Variants in CDK14 observed in about 807,000 individuals in gnomAD.
The protein encoded by CDK14 is cyclin-dependent kinase 14.
CDK14 carries 34 observed loss-of-function variants against 60.7 expected under a neutral mutation model. The ratio of observed to expected loss-of-function variants is 0.56; its 90% CI spans 0.43 to 0.75. The LOEUF (loss-of-function observed/expected upper bound fraction) is 0.75. Among genes scored for constraint, CDK14 ranks in the 30% least tolerant of loss-of-function variants. The pLI is 0.00. For synonymous variants in CDK14, 197 were observed against 203.7 expected (o/e 0.97, Z 0.28); for missense variants, 482 against 564.1 (o/e 0.85, Z 1.47).
At chr7:91,091,958 T>C (rs1798845644) in intron 12 of CDK14, among the ~76,000 whole-genome samples, 1 of 152,104 alleles carries the variant, frequency 6.6e-6, no homozygotes, top group Non-Finnish European at 1.5e-5. Context: ...ATGTTAGAGA[T>C]ATACCCGAAA....
intron 12 of CDK14, among the ~76,000 whole-genome samples, chr7:91,110,193 A>G (rs1421774754): frequency 6.6e-6 from 1 of 152,164 alleles, no homozygotes; most frequent in Non-Finnish European, 1.5e-5. Flanking sequence ...AAATGCATGT[A>G]GAGACTTAAA....
chr7:90,658,815 C>T (rs1800804235), intron 2 of CDK14, among the ~76,000 whole-genome samples: 1 of 151,840 alleles, frequency 6.6e-6, no homozygotes, highest in South Asian at 2.1e-4. Flanking sequence ...GGGTATATAC[C>T]TAAGAGTGTA....
chr7:91,165,787 A>ATT (rs763695431), intron 14 of CDK14, among the ~76,000 whole-genome samples: 234 of 152,236 alleles, frequency 1.5e-3, no homozygotes, highest in Non-Finnish European at 2.9e-3. Flanking sequence ...CATTGTTAGT[A>ATT]TTTATAAAGT....
At chr7:91,149,254 C>T (rs992710676) in intron 14 of CDK14, among the ~76,000 whole-genome samples, 3 of 151,812 alleles carry the variant, frequency 2.0e-5, no homozygotes, top group African/African-American at 4.8e-5. Context: ...AACCATTTTC[C>T]GAACGTGCCA....
chr7:90,666,100 C>T (rs544737964), intron 2 of CDK14, among the ~76,000 whole-genome samples: 61 of 152,304 alleles, frequency 4.0e-4, no homozygotes, highest in African/African-American at 1.4e-3. Context: ...GATGTACTTC[C>T]ATTGCCCAGT....
intron 2 of CDK14, among the ~76,000 whole-genome samples, chr7:90,679,250 AG>A (rs1304366645): frequency 3.3e-5 from 5 of 152,238 alleles, no homozygotes; most frequent in Non-Finnish European, 2.9e-5. Context: ...TCTACCCAGC[AG>A]GAACAGTTCT....
At chr7:90,868,417 A>G (rs1241166091) in intron 6 of CDK14, among the ~76,000 whole-genome samples, 5 of 151,808 alleles carry the variant, frequency 3.3e-5, no homozygotes, top group Non-Finnish European at 7.4e-5. Context: ...CATATGTCCA[A>G]ACTCCTCAGA....
chr7:91,015,604 T>C (rs933052601), intron 10 of CDK14, among the ~76,000 whole-genome samples: 1 of 138,724 alleles, frequency 7.2e-6, no homozygotes, highest in African/African-American at 2.7e-5. Flanking sequence ...CTCGGCTCAC[T>C]GCAAGCTCCG....
chr7:90,967,381 C>CT (rs1443385418), intron 9 of CDK14, among the ~76,000 whole-genome samples: 1 of 152,120 alleles, frequency 6.6e-6, no homozygotes, highest in South Asian at 2.1e-4. Flanking sequence ...ATATTTGTGA[C>CT]TTTAACTATG....
In CDK14 at chr7:90,667,028, A is replaced by G. The variant is rs1474037735; in HGVS notation, c.124-59539A>G. On this transcript the variant is annotated intron_variant, in intron 2 of 14. Transcript: ENST00000380050. ...TCATCTAACTTTTTCTTGCTGAACT[A>G]TTTTATTTTTATTTATTTATTTACT... Among the ~76,000 whole-genome samples, 5 of 152,104 alleles carry G rather than the reference A, an allele frequency of 3.3e-5. No individual in the cohort carries two copies. The East Asian group carries it at 9.6e-4, about 29-fold the overall frequency.
intron 4 of CDK14, among the ~76,000 whole-genome samples, chr7:90,781,858 C>G: frequency 6.6e-6 from 1 of 152,258 alleles, no homozygotes; most frequent in Middle Eastern, 3.4e-3. Flanking sequence ...CATGATGCCT[C>G]CAGCTTTGTT....
chr7:90,979,234 T>C (rs191857033), intron 9 of CDK14, among the ~76,000 whole-genome samples: 1,765 of 152,344 alleles, frequency 0.012, 18 homozygotes, highest in Non-Finnish European at 0.017. Context: ...CATTTAAAAA[T>C]GTAGAAGCCA....
chr7:91,047,079 G>C (rs186977456), intron 11 of CDK14, among the ~76,000 whole-genome samples: 4 of 152,212 alleles, frequency 2.6e-5, no homozygotes, highest in Non-Finnish European at 2.9e-5. Flanking sequence ...AATTTTAAAT[G>C]GACTGACTTT....
intron 6 of CDK14, among the ~76,000 whole-genome samples, chr7:90,876,697 C>A (rs756558573): frequency 6.6e-6 from 1 of 152,192 alleles, no homozygotes; most frequent in Non-Finnish European, 1.5e-5. Context: ...CAGGAGAATA[C>A]AAGGTAGATC....
intron 2 of CDK14, among the ~76,000 whole-genome samples, chr7:90,654,322 A>T (rs1447658729): frequency 6.6e-6 from 1 of 152,234 alleles, no homozygotes; most frequent in African/African-American, 2.4e-5. Flanking sequence ...ACAGAGAGAG[A>T]ATCTAGCAAA....
At chr7:91,134,641 A>G (rs1254832020) in intron 14 of CDK14, among the ~76,000 whole-genome samples, 1 of 152,162 alleles carries the variant, frequency 6.6e-6, no homozygotes, top group Admixed American at 6.5e-5. Context: ...TGGGAGGCCA[A>G]GACAGGTGGA....
intron 5 of CDK14, among the ~76,000 whole-genome samples, chr7:90,832,648 A>ATAACAAT (rs1257544298): frequency 1.3e-5 from 2 of 152,208 alleles, no homozygotes; most frequent in African/African-American, 4.8e-5. Flanking sequence ...ACATATTGTT[A>ATAACAAT]AATATTGAAG....
At chr7:90,657,089 G>A (rs1001890637) in intron 2 of CDK14, among the ~76,000 whole-genome samples, 1 of 152,124 alleles carries the variant, frequency 6.6e-6, no homozygotes, top group Non-Finnish European at 1.5e-5. Flanking sequence ...ACATTTGGTT[G>A]ATTAGAAATT....
chr7:90,921,606 A>T (rs1015580204), intron 8 of CDK14, among the ~76,000 whole-genome samples: 1 of 152,236 alleles, frequency 6.6e-6, no homozygotes, highest in Non-Finnish European at 1.5e-5. Flanking sequence ...TGAATAAAAA[A>T]TATACATGAC....
Sources: allele counts gnomAD v4.1 joint callset (sites outside exome capture counted in the v4.1 genomes callset), GRCh38; gene constraint gnomAD v4.1.1; transcripts MANE v1.5; gene names NCBI Gene and HGNC (gene_info 2026-07-23, HGNC 2026-07-21).